The following SIRT7 variants were observed in gnomAD, a reference collection of about 807,000 sequenced individuals.
The protein encoded by SIRT7 is sirtuin 7.
SIRT7 carries 32 observed loss-of-function variants against 42.8 expected under a neutral mutation model. That is an observed-to-expected ratio of 0.75 (90% confidence interval 0.56 to 1.00). SIRT7 has a LOEUF of 1.00. SIRT7 is among the 50% of genes least tolerant of loss of function. SIRT7 has a pLI of 0.00. For synonymous variants in SIRT7, 297 were observed against 245.2 expected (o/e 1.21, Z -1.97); for missense variants, 553 against 572.2 (o/e 0.97, Z 0.34).
At chr17:81,917,465 C>A in intron 3 of SIRT7, 150 bp downstream of exon 3, 3 of 648,116 alleles carry the variant, frequency 4.6e-6, no homozygotes, top group South Asian at 3.0e-5. Context: ...AACACAGAGG[C>A]CAAGCGTTTA....
chr17:81,918,068 C>G lies in SIRT7; in HGVS notation c.64G>C (p.Glu22Gln). ...CGGAGGCGCTCCCTCTGCTGCTCCT[C>G]CCGCAACCTCCGGACCCGCTCCGCC... The part of the protein sequence containing the change: ...KAAERVRRLR[E>Q]EQQRERLRQV... Residue 22 changes from glutamate to glutamine, a missense_variant, in exon 1 of 10, where the codon GAG (glutamate) becomes CAG (glutamine). Glu to Gln is a conservative substitution (Grantham distance 29, BLOSUM62 2). Transcript: ENST00000328666. The G allele has an allele frequency of 6.5e-7, 1 of 1,544,674 alleles. No homozygotes were observed. The highest frequency in any genetic ancestry group is 8.6e-7 in the Non-Finnish European group (1 of 1,156,658).
rs1302564242 is a variant in SIRT7, at chr17:81,918,082, A to C, written c.50T>G (p.Val17Gly). The C allele has an allele frequency of 2.6e-6, 4 of 1,550,750 alleles. No homozygotes were observed. The highest frequency in any genetic ancestry group is 3.4e-6 in the Non-Finnish European group (4 of 1,159,674). ...CTGCTGCTCCTCCCGCAACCTCCGG[A>C]CCCGCTCCGCCGCTTTGCGCTCGGA... ...SRSERKAAERVRRLREEQQRE... is the reference protein window; with the variant it reads ...SRSERKAAERGRRLREEQQRE... Residue 17 changes from valine (V) to glycine (G), a missense_variant, in exon 1 of 10, where the codon GTC (valine) becomes GGC (glycine). Coordinates refer to ENST00000328666, the MANE Select transcript of SIRT7 (RefSeq NM_016538.3).
Position 81,912,366 on chromosome 17 carries a change from G to A in SIRT7, c.*50C>T, listed in dbSNP as rs200648674. 316 of 1,609,024 alleles carry A rather than the reference G, an allele frequency of 2.0e-4. No individual in the cohort carries two copies. Among genetic ancestry groups the A allele is most frequent in the Non-Finnish European group, 2.4e-4 (282 of 1,175,704 alleles). On this transcript the variant is annotated 3_prime_UTR_variant, in exon 10 of 10. Transcript: ENST00000328666. Reference sequence around the variant, plus strand: ...CCGTGGGGGCAACCCAGCCTTCACCGTGACACTGGCCATCTGCAAAGTGCC... The same window carrying A: ...CCGTGGGGGCAACCCAGCCTTCACCATGACACTGGCCATCTGCAAAGTGCC...
In SIRT7 at chr17:81,913,644, G is replaced by A. The variant is rs1218639353; in HGVS notation, c.1004+130C>T. 10 of 780,644 alleles carry A rather than the reference G, an allele frequency of 1.3e-5. No individual in the cohort carries two copies. Among genetic ancestry groups the A allele is most frequent in the East Asian group, 8.1e-5 (3 of 37,094 alleles). The allele number at this position is 780,644 out of a possible 1,614,324, so 48.4% of individuals were successfully genotyped here. On this transcript the variant is annotated intron_variant, in intron 9 of 9. Coordinates refer to ENST00000328666, the MANE Select transcript of SIRT7 (RefSeq NM_016538.3). This position sits in a 1 kb window ranked among gnomAD's most constrained non-coding sequence, Gnocchi z 5.0. ...GGTCAGGCCCTCTGGAGACCACCAC[G>A]CTTCAGTCATGCCTCAGGCACCACT...
At chr17:81,914,227 G>C (rs995123097) in intron 7 of SIRT7, 60 bp from the exon 8 acceptor site, 9 of 1,612,380 alleles carry the variant, frequency 5.6e-6, no homozygotes, top group Non-Finnish European at 7.6e-6. Context: ...TACAGTGCTG[G>C]GCCGCAGAGC....
At chr17:81,914,047 G>C (rs1298829684) in intron 8 of SIRT7, 40 bp downstream of exon 8, 3 of 1,609,952 alleles carry the variant, frequency 1.9e-6, no homozygotes, top group Admixed American at 1.7e-5. Flanking sequence ...TGCGTTCTAA[G>C]ACCCAGATCT....
intron 5 of SIRT7, chr17:81,914,923 C>G: frequency 1.7e-6 from 1 of 576,374 alleles, no homozygotes; most frequent in South Asian, 2.0e-5. Flanking sequence ...TTCCTCCAGC[C>G]CTGATGCACC....
Position 81,917,982 on chromosome 17 carries a change from A to T in SIRT7, c.94-15T>A. On this transcript the variant is annotated splice_polypyrimidine_tract_variant and intron_variant, in intron 1 of 9. Transcript: ENST00000328666. ...ATGCGCGACACCTGCGGGCAGGCGG[A>T]CGGTGAGCGGCGGCGCGGGCCGGGC... 1 of 1,335,648 alleles carries T rather than the reference A, an allele frequency of 7.5e-7. No homozygotes were observed. The highest frequency in any genetic ancestry group is 9.5e-7 in the Non-Finnish European group (1 of 1,052,136). The allele number at this position is 1,335,648 out of a possible 1,614,324, so 82.7% of individuals were successfully genotyped here.
chr17:81,912,358 C>G lies in SIRT7; in HGVS notation c.*58G>C. On this transcript the variant is annotated 3_prime_UTR_variant, in exon 10 of 10. Transcript: ENST00000328666. Reference sequence around the variant, plus strand: ...CCCTAGACCCGTGGGGGCAACCCAGCCTTCACCGTGACACTGGCCATCTGC... The same window carrying G: ...CCCTAGACCCGTGGGGGCAACCCAGGCTTCACCGTGACACTGGCCATCTGC... The G allele has an allele frequency of 6.2e-7, 1 of 1,603,100 alleles. No individual in the cohort carries two copies. The highest frequency in any genetic ancestry group is 1.1e-5 in the South Asian group (1 of 90,802).
rs1163649955 is a variant in SIRT7, at chr17:81,912,257, C to G, written c.*159G>C. 1.2e-6 allele frequency: 1 copy of G among 869,084 alleles called. No homozygotes were observed. Among genetic ancestry groups the G allele is most frequent in the Non-Finnish European group, 1.8e-6 (1 of 548,256 alleles). 53.8% of individuals were successfully genotyped at this position (869,084 alleles called of 1,614,324 possible). On this transcript the variant is annotated 3_prime_UTR_variant, in exon 10 of 10. Transcript: ENST00000328666. Reference sequence around the variant, plus strand: ...AGGCCGTATCAGGGTACAACCGCAGCAGTGCAAGGGGCTTCCTCAAGGACA... The same window carrying G: ...AGGCCGTATCAGGGTACAACCGCAGGAGTGCAAGGGGCTTCCTCAAGGACA...
At chr17:81,912,763 T>A in intron 9 of SIRT7, 149 bp from the exon 10 acceptor site, 1 of 817,936 alleles carries the variant, frequency 1.2e-6, no homozygotes, top group Non-Finnish European at 2.0e-6. Context: ...GGCGGCAGCT[T>A]CATTGTTACC....
intron 3 of SIRT7, 94 bp downstream of exon 3, chr17:81,917,521 G>A (rs778864737): frequency 3.8e-5 from 42 of 1,115,702 alleles, no homozygotes; most frequent in East Asian, 3.4e-4. Context: ...GTTTCTTTAA[G>A]AGAAAAAACC....
Position 81,915,687 on chromosome 17 carries a change from T to G in SIRT7, c.337-6A>C. On this transcript the variant is annotated splice_region_variant and splice_polypyrimidine_tract_variant and intron_variant, in intron 3 of 9. Coordinates refer to ENST00000328666, the MANE Select transcript of SIRT7 (RefSeq NM_016538.3). ...TAGTCTGGGATAGACGCTGCCTGCA[T>G]GTCGAGAAAAAAGGTAAGCCAAGTC... 6.2e-7 allele frequency: 1 copy of G among 1,613,574 alleles called. No homozygotes were observed. The highest frequency in any genetic ancestry group is 2.2e-5 in the East Asian group (1 of 44,882).
At position 81,915,828 on chromosome 17, in the gene SIRT7, G is replaced by C. The variant is rs985084358; in HGVS notation, c.337-147C>G. ...CTCTATTCATTCCACAGGCTGACCT[G>C]CCTGAGCCCATATGGAGTGTACCCC... On this transcript the variant is annotated intron_variant, in intron 3 of 9. Coordinates refer to ENST00000328666, the MANE Select transcript of SIRT7 (RefSeq NM_016538.3). 1.7e-5 allele frequency: 15 copies of C among 861,690 alleles called. No homozygotes were observed. In the African/African-American group the frequency reaches 2.3e-4, roughly 13 times the overall value. The allele number at this position is 861,690 out of a possible 1,614,324, so 53.4% of individuals were successfully genotyped here.
chr17:81,913,996 T>G lies in SIRT7; in HGVS notation c.897+91A>C, dbSNP rs1265875507. ...TCCCTGAGCACCCACGGGGGCCCTA[T>G]CAGACCGCCCTGGTGCATGGGTGTG... On this transcript the variant is annotated intron_variant, in intron 8 of 9. Coordinates refer to ENST00000328666, the MANE Select transcript of SIRT7 (RefSeq NM_016538.3). This position sits in a 1 kb window ranked among gnomAD's most constrained non-coding sequence, Gnocchi z 5.0. The G allele has an allele frequency of 2.5e-5, 40 of 1,571,428 alleles. No individual in the cohort carries two copies. Among genetic ancestry groups the G allele is most frequent in the Non-Finnish European group, 3.2e-5 (37 of 1,148,176 alleles).
chr17:81,912,251 C>T lies in SIRT7; in HGVS notation c.*165G>A. On this transcript the variant is annotated 3_prime_UTR_variant, in exon 10 of 10. Coordinates refer to ENST00000328666, the MANE Select transcript of SIRT7 (RefSeq NM_016538.3). ...ATGGCCAGGCCGTATCAGGGTACAA[C>T]CGCAGCAGTGCAAGGGGCTTCCTCA... 1.2e-6 allele frequency: 1 copy of T among 837,966 alleles called. No individual in the cohort carries two copies. Among genetic ancestry groups the T allele is most frequent in the African/African-American group, 1.7e-5 (1 of 60,068 alleles). The allele number at this position is 837,966 out of a possible 1,614,324, so 51.9% of individuals were successfully genotyped here.
chr17:81,913,737 G>T lies in SIRT7; in HGVS notation c.1004+37C>A. 6.7e-7 allele frequency: 1 copy of T among 1,482,166 alleles called. No homozygotes were observed. Among genetic ancestry groups the T allele is most frequent in the South Asian group, 1.2e-5 (1 of 82,590 alleles). The allele number at this position is 1,482,166 out of a possible 1,614,324, so 91.8% of individuals were successfully genotyped here. A position where few individuals can be genotyped will look rare whatever the true frequency, so the allele number is the denominator to read the frequency against. On this transcript the variant is annotated intron_variant, in intron 9 of 9. Transcript: ENST00000328666. This position sits in a 1 kb window ranked among gnomAD's most constrained non-coding sequence, Gnocchi z 5.0. ...AGACAGACAAGGCCCAGCACACAGA[G>T]GTGCGGGGAAGCAGGCTGCTGCAGC...
chr17:81,917,675 C>G lies in SIRT7; in HGVS notation c.276G>C (p.Leu92=). 6 of 1,607,748 alleles carry G rather than the reference C, an allele frequency of 3.7e-6. No individual in the cohort carries two copies. The highest frequency in any genetic ancestry group is 5.1e-6 in the Non-Finnish European group (6 of 1,177,746). The change falls in exon 3 of 10, where the codon CTG becomes CTC. Residue 92 remains leucine (L), a synonymous_variant. Coordinates refer to ENST00000328666, the MANE Select transcript of SIRT7 (RefSeq NM_016538.3). ...ATTTGGCGTTCCGGACGGCGCTGGC[C>G]AGCTCCCGGACCTTCCCCCGCAGCT... ...PEELRGKVRE[L]ASAVRNAKYL... is the part of the protein sequence containing the mutation.
In SIRT7 at chr17:81,913,316, A is replaced by T. The variant is rs1197455029; in HGVS notation, c.1004+458T>A. 2 of 455,740 alleles carry T rather than the reference A, an allele frequency of 4.4e-6. No homozygotes were observed. Among genetic ancestry groups the T allele is most frequent in the African/African-American group, 4.0e-5 (2 of 50,052 alleles). The allele number at this position is 455,740 out of a possible 1,614,324, so 28.2% of individuals were successfully genotyped here. On this transcript the variant is annotated intron_variant, in intron 9 of 9. Transcript: ENST00000328666. The surrounding 1 kb of genome is among the most constrained non-coding windows in gnomAD (Gnocchi z 5.0). ...ACCCTGAAAATTCACAGAGAAAGAG[A>T]GTGTAAACTTTTTACTCAATACATA...
Sources: gnomAD v4.1 joint callset for allele counts on GRCh38, gnomAD v4.1.1 for gene constraint, Gnocchi (gnomAD v3.1) non-coding constraint, MANE v1.5 for transcripts, NCBI Gene and HGNC (gene_info 2026-07-23, HGNC 2026-07-21) for gene names.